The following TBC1D2B variants were observed in gnomAD, a reference collection of about 807,000 sequenced individuals.
The protein encoded by TBC1D2B is TBC1 domain family member 2B.
A neutral mutation model predicts 100.8 loss-of-function variants in TBC1D2B; 64 were observed. The observed-to-expected ratio is 0.64, with a 90% CI of 0.52 to 0.78. The LOEUF (loss-of-function observed/expected upper bound fraction) is 0.78, where lower values mean the gene tolerates loss of function less well. Among genes scored for constraint, TBC1D2B ranks in the 30% least tolerant of loss-of-function variants. The pLI is 0.00. For missense variants in TBC1D2B, 1,052 were observed against 1,218.4 expected (o/e 0.86, Z 2.03); for synonymous variants, 480 against 479.7 (o/e 1.00, Z -0.01).
At chr15:78,069,886 C>T (rs1159892585) in intron 1 of TBC1D2B, among the ~76,000 whole-genome samples, 1 of 152,234 alleles carries the variant, frequency 6.6e-6, no homozygotes, top group Non-Finnish European at 1.5e-5. Flanking sequence ...CTGGTGCCTT[C>T]ATCTTGGGCT....
intron 6 of TBC1D2B, 135 bp downstream of exon 6, chr15:78,024,021 G>T: frequency 1.7e-6 from 2 of 1,144,628 alleles, no homozygotes; most frequent in Non-Finnish European, 2.4e-6. Context: ...GGTAAGTCCT[G>T]TTACACTTGT....
intron 2 of TBC1D2B, among the ~76,000 whole-genome samples, chr15:78,051,664 T>C (rs565974135): frequency 6.6e-6 from 1 of 152,190 alleles, no homozygotes; most frequent in Non-Finnish European, 1.5e-5. Context: ...CTAGGAAAAG[T>C]TTTATTTTTA....
chr15:78,050,524 C>T (rs1320640126), intron 2 of TBC1D2B, among the ~76,000 whole-genome samples: 1 of 152,198 alleles, frequency 6.6e-6, no homozygotes, highest in Non-Finnish European at 1.5e-5. Context: ...AGGCTATTAG[C>T]CATTTATGGG....
At chr15:78,055,888 A>T (rs998083698) in intron 1 of TBC1D2B, among the ~76,000 whole-genome samples, 2 of 152,216 alleles carry the variant, frequency 1.3e-5, no homozygotes, top group Admixed American at 6.5e-5. Flanking sequence ...GCTATGACAG[A>T]AAGCAGAGCA....
Position 78,045,052 on chromosome 15 carries a change from G to A in TBC1D2B, c.531C>T (p.His177=), listed in dbSNP as rs754015140. The A allele has an allele frequency of 6.2e-7, 1 of 1,603,672 alleles. No homozygotes were observed. The highest frequency in any genetic ancestry group is 8.5e-7 in the Non-Finnish European group (1 of 1,174,522). The change falls in exon 3 of 13, where the codon CAC becomes CAT. Residue 177 remains histidine (H), a synonymous_variant. Coordinates refer to ENST00000300584, the MANE Select transcript of TBC1D2B (RefSeq NM_144572.2). ...TGGCTTTTTCTGCAGAAGCATTTGG[G>A]TGTGGGTAAATTAAATCTGAAAAAA... ...ARDNTDLIYP[H]PNASAEKARN... is the part of the protein sequence containing the mutation.
chr15:77,995,569 A>G lies in TBC1D2B; in HGVS notation c.*2591T>C, dbSNP rs1160573676. 2 of 152,298 alleles carry G rather than the reference A, an allele frequency of 1.3e-5. No individual in the cohort carries two copies. The highest frequency in any genetic ancestry group is 3.9e-4 in the East Asian group (2 of 5,136). 9.4% of individuals were successfully genotyped at this position (152,298 alleles called of 1,614,324 possible). A position where few individuals can be genotyped will look rare whatever the true frequency, so the allele number is the denominator to read the frequency against. On this transcript the variant is annotated 3_prime_UTR_variant, in exon 13 of 13. Coordinates refer to ENST00000300584, the MANE Select transcript of TBC1D2B (RefSeq NM_144572.2). ...TAATAACTTGTTATATAAAATAGAT[A>G]TGTGGAATCTAGAAACACCTTGAGA...
chr15:78,001,694 T>G lies in TBC1D2B; in HGVS notation c.2621A>C (p.Glu874Ala). 1 of 1,608,608 alleles carries G rather than the reference T, an allele frequency of 6.2e-7. No individual in the cohort carries two copies. Among genetic ancestry groups the G allele is most frequent in the Non-Finnish European group, 8.5e-7 (1 of 1,177,508 alleles). ...ALALFKYKEE[E>A]ILKLQDSMSI... ...CATCGAATCTTGCAATTTCAAAATCTCCTCTTCCTTGTACTTAAAAAGTGC... is the reference window on the plus strand; with the variant it reads ...CATCGAATCTTGCAATTTCAAAATCGCCTCTTCCTTGTACTTAAAAAGTGC... Residue 874 changes from glutamate to alanine, a missense_variant, in exon 12 of 13, where the codon GAG becomes GCG. Physicochemically the swap from Glu to Ala is moderately radical, Grantham distance 107 (BLOSUM62 -1). Transcript: ENST00000300584.
chr15:78,032,151 G>A (rs762997826), intron 3 of TBC1D2B, among the ~76,000 whole-genome samples: 2 of 152,136 alleles, frequency 1.3e-5, no homozygotes, highest in Non-Finnish European at 2.9e-5. Context: ...GACAGGGAGA[G>A]AACCAACTGA....
chr15:78,030,015 C>G lies in TBC1D2B; in HGVS notation c.839G>C (p.Gly280Ala). ...QEEKKKLTPE[G>A]NKGVTGSGFP... is the part of the protein sequence containing the mutation. ...AGGAAGTACATTGATACCTTTGTTT[C>G]CTTCAGGGGTCAGCTTCTTCTTTTC... The change falls in exon 4 of 13, where the codon GGA becomes GCA. Residue 280 changes from glycine (G) to alanine (A), a missense_variant. Around this residue, in one of 4 missense-constraint regions of TBC1D2B, gnomAD observed 627 missense variants for 646.1 expected, o/e 0.97. Transcript: ENST00000300584. 6.2e-7 allele frequency: 1 copy of G among 1,605,228 alleles called. No homozygotes were observed. The highest frequency in any genetic ancestry group is 8.5e-7 in the Non-Finnish European group (1 of 1,177,156).
intron 1 of TBC1D2B, among the ~76,000 whole-genome samples, chr15:78,076,093 G>C (rs559431662): frequency 1.3e-5 from 2 of 152,128 alleles, no homozygotes; most frequent in East Asian, 3.9e-4. Context: ...CCAGCTCCAG[G>C]CCTGGGCCCA....
intron 8 of TBC1D2B, among the ~76,000 whole-genome samples, chr15:78,015,578 C>T (rs1230863909): frequency 6.6e-6 from 1 of 152,222 alleles, no homozygotes. Flanking sequence ...GCCCAGCGTA[C>T]TGGTGGAGCT....
At chr15:78,019,035 C>T (rs774014629) in intron 6 of TBC1D2B, among the ~76,000 whole-genome samples, 2 of 151,986 alleles carry the variant, frequency 1.3e-5, no homozygotes, top group Non-Finnish European at 2.9e-5. Context: ...ACAGCTCAAA[C>T]GGCAGGCCAG....
chr15:78,043,930 A>G (rs1002278770), intron 3 of TBC1D2B, among the ~76,000 whole-genome samples: 4 of 151,852 alleles, frequency 2.6e-5, no homozygotes, highest in African/African-American at 9.7e-5. Flanking sequence ...CTACTCTGGA[A>G]GCTGAGGTAG....
intron 3 of TBC1D2B, among the ~76,000 whole-genome samples, chr15:78,040,847 AAAGAAAGG>A (rs1425885150): frequency 7.4e-6 from 1 of 135,238 alleles, no homozygotes; most frequent in Non-Finnish European, 1.6e-5. Context: ...AAAAAGAAAG[AAAGAAAGG>A]AAGAAAGAAA....
chr15:78,015,145 G>C (rs1478040491), intron 8 of TBC1D2B, among the ~76,000 whole-genome samples: 1 of 152,124 alleles, frequency 6.6e-6, no homozygotes, highest in Non-Finnish European at 1.5e-5. Flanking sequence ...AGCTTGCAGT[G>C]AGCTAAGATT....
intron 1 of TBC1D2B, 74 bp from the exon 2 acceptor site, chr15:78,054,261 G>T: frequency 7.0e-7 from 1 of 1,428,024 alleles, no homozygotes; most frequent in Non-Finnish European, 9.3e-7. Flanking sequence ...TATGTCTCAT[G>T]AGTAGACTGT....
intron 1 of TBC1D2B, among the ~76,000 whole-genome samples, chr15:78,056,292 G>A (rs535150726): frequency 6.6e-6 from 1 of 152,344 alleles, no homozygotes; most frequent in South Asian, 2.1e-4. Flanking sequence ...GGAGTGAGGT[G>A]AGGTCAGTGA....
In TBC1D2B at chr15:78,016,790, C is replaced by A. The variant is rs562639911; in HGVS notation, c.1582-51G>T. On this transcript the variant is annotated intron_variant, in intron 7 of 12. Transcript: ENST00000300584. The stretch of plus-strand genomic sequence containing the variant: ...CATTCAGACAGAGACACAGGAAGAG[C>A]AATCTTTAGGTACGCAAATGACCAG... 68 of 1,422,500 alleles carry A rather than the reference C, an allele frequency of 4.8e-5. 1 individual carries two copies. The South Asian group carries it at 9.8e-4, about 20-fold the overall frequency. The allele number at this position is 1,422,500 out of a possible 1,614,324, so 88.1% of individuals were successfully genotyped here. A position where few individuals can be genotyped will look rare whatever the true frequency, so the allele number is the denominator to read the frequency against.
intron 8 of TBC1D2B, among the ~76,000 whole-genome samples, chr15:78,014,284 T>C (rs960524635): frequency 6.6e-6 from 1 of 152,222 alleles, no homozygotes; most frequent in African/African-American, 2.4e-5. Flanking sequence ...ACTATGTTTA[T>C]GATAATTTGT....
Sources: allele counts gnomAD v4.1 joint callset (sites outside exome capture counted in the v4.1 genomes callset), GRCh38; gene constraint gnomAD v4.1.1; regional missense constraint gnomAD v4.1.1; transcripts MANE v1.5; gene names NCBI Gene and HGNC (gene_info 2026-07-23, HGNC 2026-07-21).